Variants in RCAN1 observed in about 807,000 individuals in gnomAD.
RCAN1 encodes the protein calcipressin-1.
RCAN1 carries 11 observed loss-of-function variants against 22.9 expected under a neutral mutation model. The observed-to-expected ratio is 0.48, with a 90% CI of 0.30 to 0.79. The LOEUF (loss-of-function observed/expected upper bound fraction) is 0.79. RCAN1 is among the 30% of genes least tolerant of loss of function. The probability of loss-of-function intolerance (pLI) is 0.06; values close to 1 mark genes in which losing one functional copy is unlikely to be tolerated. For missense variants in RCAN1, 291 were observed against 337.8 expected (o/e 0.86, Z 1.09); for synonymous variants, 136 against 142.3 (o/e 0.96, Z 0.32).
chr21:34,541,570 C>A (rs190731403), intron 1 of RCAN1, among the ~76,000 whole-genome samples: 196 of 152,326 alleles, frequency 1.3e-3, no homozygotes, highest in Non-Finnish European at 2.3e-3. Context: ...TGGGTTAGTG[C>A]TAATATCTAT....
At position 34,527,507 on chromosome 21, in the gene RCAN1, A is replaced by G. The variant is rs577163418; in HGVS notation, c.253-3797T>C. 6.1e-4 allele frequency among the ~76,000 whole-genome samples: 93 copies of G among 152,340 alleles called. 1 individual carries two copies. Among genetic ancestry groups the G allele is most frequent in the African/African-American group, 2.1e-3 (87 of 41,576 alleles). On this transcript the variant is annotated intron_variant, in intron 1 of 3. Transcript: ENST00000313806. Reference sequence around the variant, plus strand: ...TGTATCCCACAGTGGAATGGAGCAAACAGAACCTAAAACAATCCTAGGATT... The same window carrying G: ...TGTATCCCACAGTGGAATGGAGCAAGCAGAACCTAAAACAATCCTAGGATT...
intron 1 of RCAN1, among the ~76,000 whole-genome samples, chr21:34,552,882 T>C (rs925592429): frequency 2.6e-5 from 4 of 152,346 alleles, no homozygotes; most frequent in African/African-American, 9.6e-5. Context: ...CCTCTGGAGA[T>C]ATAGCTTTAT....
intron 1 of RCAN1, among the ~76,000 whole-genome samples, chr21:34,565,610 T>C (rs1986974574): frequency 2.6e-5 from 4 of 152,232 alleles, no homozygotes; most frequent in Admixed American, 6.5e-5. Context: ...TGTGTGTATA[T>C]GTATTGAACA....
At chr21:34,564,792 C>T (rs1343818478) in intron 1 of RCAN1, among the ~76,000 whole-genome samples, 12 of 151,984 alleles carry the variant, frequency 7.9e-5, no homozygotes, top group Non-Finnish European at 1.8e-4. Flanking sequence ...TAGTGCTACC[C>T]AATATGTGAT....
intron 1 of RCAN1, among the ~76,000 whole-genome samples, chr21:34,580,281 T>C (rs979533446): frequency 2.0e-5 from 3 of 152,174 alleles, no homozygotes; most frequent in Non-Finnish European, 2.9e-5. Flanking sequence ...CAACTTTCTT[T>C]AGCTAAACCT....
At chr21:34,554,231 G>GA (rs1245842443) in intron 1 of RCAN1, among the ~76,000 whole-genome samples, 2 of 152,114 alleles carry the variant, frequency 1.3e-5, no homozygotes, top group East Asian at 1.9e-4. Context: ...TGTTTCTATG[G>GA]AAAAAATGTA....
At chr21:34,541,463 T>C (rs1315908127) in intron 1 of RCAN1, among the ~76,000 whole-genome samples, 1 of 152,234 alleles carries the variant, frequency 6.6e-6, no homozygotes, top group Non-Finnish European at 1.5e-5. Context: ...TCATCCACTG[T>C]CATGTGGCAT....
chr21:34,559,897 T>G (rs1441655368), intron 1 of RCAN1: 1 of 152,192 alleles, frequency 6.6e-6, no homozygotes, highest in Non-Finnish European at 1.5e-5. Flanking sequence ...CAAATATTTC[T>G]TCCTGAAGGT....
chr21:34,608,886 A>G (rs1183209619), intron 1 of RCAN1, among the ~76,000 whole-genome samples: 2 of 152,190 alleles, frequency 1.3e-5, no homozygotes, highest in Non-Finnish European at 2.9e-5. Context: ...GTCACACTGC[A>G]TAAGTGGGAA....
chr21:34,614,501 T>C lies in RCAN1; in HGVS notation c.252+259A>G. 1 of 1,042,616 alleles carries C rather than the reference T, an allele frequency of 9.6e-7. No homozygotes were observed. The highest frequency in any genetic ancestry group is 1.2e-6 in the Non-Finnish European group (1 of 867,668). The allele number at this position is 1,042,616 out of a possible 1,614,324, so 64.6% of individuals were successfully genotyped here. On this transcript the variant is annotated intron_variant, in intron 1 of 3. Transcript: ENST00000313806. This position sits in a 1 kb window ranked among gnomAD's most constrained non-coding sequence, Gnocchi z 6.0. ...ATTCACCCCCCTAGTCGCACCAGCC[T>C]GGGCGCACACGGGGGCCGGGGCGAG...
chr21:34,565,530 A>G (rs1333930607), intron 1 of RCAN1, among the ~76,000 whole-genome samples: 1 of 152,190 alleles, frequency 6.6e-6, no homozygotes, highest in African/African-American at 2.4e-5. Context: ...TGCAGCTGAA[A>G]CAGCTGTATT....
intron 1 of RCAN1, among the ~76,000 whole-genome samples, chr21:34,577,066 G>A (rs999375572): frequency 6.6e-6 from 1 of 152,218 alleles, no homozygotes; most frequent in African/African-American, 2.4e-5. Flanking sequence ...CATCCCAGGC[G>A]GAGGCAACTG....
At position 34,555,011 on chromosome 21, in the gene RCAN1, G is replaced by A. The variant is rs906188809; in HGVS notation, c.253-31301C>T. 2.0e-5 allele frequency among the ~76,000 whole-genome samples: 3 copies of A among 152,356 alleles called. No individual in the cohort carries two copies. In the East Asian group the frequency reaches 5.8e-4, roughly 29 times the overall value. On this transcript the variant is annotated intron_variant, in intron 1 of 3. Coordinates refer to ENST00000313806, the MANE Select transcript of RCAN1 (RefSeq NM_004414.7). ...CCCACAACACGTGGGAATTATGGGA[G>A]CTACAAGAAGAGATTTGAGTAGGGA...
chr21:34,592,854 A>G (rs775493313), intron 1 of RCAN1, among the ~76,000 whole-genome samples: 15 of 152,178 alleles, frequency 9.9e-5, no homozygotes, highest in African/African-American at 3.1e-4. Context: ...GAAAACCTCA[A>G]TGGCTTTACT....
Position 34,525,095 on chromosome 21 carries a change from A to G in RCAN1, c.253-1385T>C, listed in dbSNP as rs75704341. The G allele has an allele frequency of 3.6e-3, 5,647 of 1,550,510 alleles. 179 individuals are homozygous for G. In the African/African-American group the frequency reaches 0.068, roughly 19 times the overall value. Reference sequence around the variant, plus strand: ...ACAGAGCTCACTGAGGACCTTGGAGAACCTATGGAAGGCGCAGTGTCTCTG... The same window carrying G: ...ACAGAGCTCACTGAGGACCTTGGAGGACCTATGGAAGGCGCAGTGTCTCTG... On this transcript the variant is annotated intron_variant, in intron 1 of 3. Transcript: ENST00000313806.
intron 1 of RCAN1, among the ~76,000 whole-genome samples, chr21:34,602,626 C>T (rs936079607): frequency 6.6e-6 from 1 of 152,140 alleles, no homozygotes; most frequent in East Asian, 1.9e-4. Context: ...TGTACAAATT[C>T]CCCAGAATCG....
At chr21:34,530,294 A>G (rs550657761) in intron 1 of RCAN1, among the ~76,000 whole-genome samples, 1 of 152,366 alleles carries the variant, frequency 6.6e-6, no homozygotes, top group East Asian at 1.9e-4. Flanking sequence ...TCTGGCTCCA[A>G]ACAGTTTCCA....
chr21:34,576,555 G>T (rs1349154781), intron 1 of RCAN1, among the ~76,000 whole-genome samples: 1 of 152,180 alleles, frequency 6.6e-6, no homozygotes, highest in East Asian at 1.9e-4. Flanking sequence ...CAGGAAGAAT[G>T]ATGAATATTA....
chr21:34,608,422 A>G (rs1988596389), intron 1 of RCAN1, among the ~76,000 whole-genome samples: 1 of 152,198 alleles, frequency 6.6e-6, no homozygotes, highest in Non-Finnish European at 1.5e-5. Context: ...CACTGAGATT[A>G]GGCTACAAAA....
Sources: allele counts gnomAD v4.1 joint callset (sites outside exome capture counted in the v4.1 genomes callset), GRCh38; gene constraint gnomAD v4.1.1; non-coding constraint Gnocchi (gnomAD v3.1); transcripts MANE v1.5; gene names NCBI Gene and HGNC (gene_info 2026-07-23, HGNC 2026-07-21).